ABCA8: variants seen among roughly 807,000 people sequenced by gnomAD.
ABCA8 encodes the protein ATP binding cassette subfamily A member 8.
In ABCA8, 177 loss-of-function variants were observed where a neutral mutation model predicts 192.3. That is an observed-to-expected ratio of 0.92 (90% CI 0.81 to 1.04). The LOEUF is 1.04. Ranked by LOEUF, ABCA8 falls within the 50% of genes least tolerant of loss-of-function variation. ABCA8 has a pLI of 0.00. For missense variants in ABCA8, 1,915 were observed against 1,904.8 expected (o/e 1.01, Z -0.10); for synonymous variants, 642 against 690.2 (o/e 0.93, Z 1.09).
At chr17:68,934,060 T>C (rs146999789) in intron 5 of ABCA8, among the ~76,000 whole-genome samples, 2 of 152,272 alleles carry the variant, frequency 1.3e-5, no homozygotes, top group African/African-American at 4.8e-5. Context: ...TGTATATATA[T>C]ATGCCACTAC....
chr17:68,880,794 T>TGA, intron 32 of ABCA8: 1 of 334,986 alleles, frequency 3.0e-6, no homozygotes, highest in South Asian at 3.1e-5. Context: ...AGGCTTGGGA[T>TGA]CCAGGCTGGT....
intron 1 of ABCA8, among the ~76,000 whole-genome samples, chr17:68,952,819 AC>A (rs2068606967): frequency 6.6e-6 from 1 of 152,148 alleles, no homozygotes; most frequent in East Asian, 1.9e-4. Flanking sequence ...ACTACCCTCT[AC>A]CCCCTGGTAG....
At position 68,895,022 on chromosome 17, in the gene ABCA8, T is replaced by C. The variant is rs376632104; in HGVS notation, c.2765-9A>G. The C allele has an allele frequency of 2.5e-6, 4 of 1,584,104 alleles. No individual in the cohort carries two copies. The highest frequency in any genetic ancestry group is 3.4e-6 in the Non-Finnish European group (4 of 1,168,294). On this transcript the variant is annotated splice_polypyrimidine_tract_variant and intron_variant, in intron 21 of 39. Transcript: ENST00000586539. ...GTCATCAATGCTTGCCCCTAAGGTG[T>C]AGTTAAAGATATTAGGTATCACAAA...
Position 68,875,734 on chromosome 17 carries a change from C to T in ABCA8, c.4371-1G>A. ...TCTAAAGGTGGCCCGGATGGCCTGC[C>T]TATAATGTCAAGAGATTATTTGCAA... On this transcript the variant is annotated splice_acceptor_variant, in intron 35 of 39. Coordinates refer to ENST00000586539, the MANE Select transcript of ABCA8 (RefSeq NM_001288985.2). LOFTEE classifies it high-confidence loss of function. The T allele has an allele frequency of 6.2e-7, 1 of 1,610,752 alleles. No homozygotes were observed. The highest frequency in any genetic ancestry group is 8.5e-7 in the Non-Finnish European group (1 of 1,178,946).
At chr17:68,925,967 G>GT (rs1376442794) in intron 10 of ABCA8, among the ~76,000 whole-genome samples, 3 of 152,102 alleles carry the variant, frequency 2.0e-5, no homozygotes, top group Non-Finnish European at 2.9e-5. Flanking sequence ...AAATTTTCTA[G>GT]TTATAATAAT....
intron 37 of ABCA8, among the ~76,000 whole-genome samples, chr17:68,874,354 TCTGG>T (rs2066147179): frequency 6.6e-6 from 1 of 152,230 alleles, no homozygotes; most frequent in Admixed American, 6.5e-5. Flanking sequence ...TAATTGAGCC[TCTGG>T]TTAGAAGAGC....
chr17:68,951,226 C>A (rs1567893310), intron 1 of ABCA8, among the ~76,000 whole-genome samples: 1 of 152,186 alleles, frequency 6.6e-6, no homozygotes, highest in Non-Finnish European at 1.5e-5. Flanking sequence ...ATAGACCATA[C>A]ATATGTTACT....
At chr17:68,925,000 C>T (rs2067658345) in intron 10 of ABCA8, 131 bp from the exon 11 acceptor site, 4 of 793,838 alleles carry the variant, frequency 5.0e-6, no homozygotes, top group South Asian at 2.1e-5. Context: ...AGGTAATGCA[C>T]GTTTTGACAC....
rs753629086 is a variant in ABCA8 at position 68,940,925 on chromosome 17, T to C, written c.134A>G (p.Tyr45Cys). Residue 45 changes from tyrosine to cysteine, a missense_variant, in exon 4 of 40, where the codon TAT becomes TGT. Tyr to Cys is a radical substitution (Grantham distance 194). Coordinates refer to ENST00000586539, the MANE Select transcript of ABCA8 (RefSeq NM_001288985.2). ...LNSLLLLLCL[Y>C]IYPHSHQVND... is the part of the protein sequence containing the mutation. Reference sequence around the variant, plus strand: ...TACTTGATGACTATGAGGATATATATACAAACAAAGTAGTAGGAGCAATGA... The same window carrying C: ...TACTTGATGACTATGAGGATATATACACAAACAAAGTAGTAGGAGCAATGA... 4 of 1,611,694 alleles carry C rather than the reference T, an allele frequency of 2.5e-6. No individual in the cohort carries two copies. The highest frequency in any genetic ancestry group is 3.4e-6 in the Non-Finnish European group (4 of 1,178,148).
rs545834756 is a variant in ABCA8 at position 68,940,853 on chromosome 17, G to A, written c.206C>T (p.Thr69Ile). Reference sequence around the variant, plus strand: ...AACAGAAAATCTGGATTCATTAAATGTATCTACCCGTCCCAGGTCCATGGT... The same window carrying A: ...AACAGAAAATCTGGATTCATTAAATATATCTACCCGTCCCAGGTCCATGGT... ...LLTMDLGRVDTFNESRFSVVY... is the reference protein window; with the variant it reads ...LLTMDLGRVDIFNESRFSVVY... The change falls in exon 4 of 40, where the codon ACA becomes ATA. Residue 69 changes from threonine (T) to isoleucine (I), a missense_variant. Transcript: ENST00000586539. 1.2e-6 allele frequency: 2 copies of A among 1,613,348 alleles called. No homozygotes were observed. Among genetic ancestry groups the A allele is most frequent in the African/African-American group, 2.7e-5 (2 of 74,996 alleles).
At position 68,868,050 on chromosome 17, in the gene ABCA8, C is replaced by A. The variant is rs79479683; in HGVS notation, c.*35G>T. 977 of 1,474,274 alleles carry A rather than the reference C, an allele frequency of 6.6e-4. 9 individuals are homozygous for A. The African/African-American group carries it at 0.012, about 18-fold the overall frequency. The allele number at this position is 1,474,274 out of a possible 1,614,324, so 91.3% of individuals were successfully genotyped here. ...TAAAAATAAATGTATTTAAAAAAAA[C>A]CACGGGTTTAAACAGGAACACAGAA... On this transcript the variant is annotated 3_prime_UTR_variant, in exon 40 of 40. Coordinates refer to ENST00000586539, the MANE Select transcript of ABCA8 (RefSeq NM_001288985.2).
intron 32 of ABCA8, chr17:68,878,489 G>C (rs2066261675): frequency 3.3e-5 from 5 of 152,166 alleles, no homozygotes; most frequent in African/African-American, 9.7e-5. Flanking sequence ...TCCAGCCATA[G>C]AGCAGCAAGC....
chr17:68,889,682 C>T (rs887871627), intron 24 of ABCA8, among the ~76,000 whole-genome samples: 1 of 152,154 alleles, frequency 6.6e-6, no homozygotes, highest in African/African-American at 2.4e-5. Flanking sequence ...TGATCCTTTG[C>T]AGTCAATAGC....
chr17:68,913,100 T>C (rs1489935888), intron 17 of ABCA8, among the ~76,000 whole-genome samples: 1 of 152,124 alleles, frequency 6.6e-6, no homozygotes, highest in Non-Finnish European at 1.5e-5. Context: ...AGAGGAACTT[T>C]GGAAACTATA....
At chr17:68,943,177 T>C (rs375672177) in intron 2 of ABCA8, among the ~76,000 whole-genome samples, 1 of 152,160 alleles carries the variant, frequency 6.6e-6, no homozygotes, top group East Asian at 1.9e-4. Context: ...TAATATAGGA[T>C]AATCACCATA....
At position 68,885,265 on chromosome 17, in the gene ABCA8, A is replaced by G. The variant is rs967278908; in HGVS notation, c.3480T>C (p.Asp1160=). 15 of 1,613,296 alleles carry G rather than the reference A, an allele frequency of 9.3e-6. No individual in the cohort carries two copies. In the Admixed American group the frequency reaches 2.0e-4, roughly 22 times the overall value. ...TTAAAAAAGTGAAGATAAATGGAAT[A>G]TCACTTTCGAAGATACTGAACGCAA... is the stretch of plus-strand genomic sequence containing the variant. ...AGFAFSIFES[D]IPFIFTFLIP... The change falls in exon 27 of 40, where the codon GAT becomes GAC. Residue 1160 remains aspartate, a synonymous_variant. Coordinates refer to ENST00000586539, the MANE Select transcript of ABCA8 (RefSeq NM_001288985.2).
At chr17:68,890,891 T>C (rs2066608723) in intron 24 of ABCA8, among the ~76,000 whole-genome samples, 2 of 152,222 alleles carry the variant, frequency 1.3e-5, no homozygotes, top group South Asian at 4.1e-4. Context: ...GTTATCTTTT[T>C]TAAAATAGCA....
intron 27 of ABCA8, 149 bp from the exon 28 acceptor site, chr17:68,884,545 G>A: frequency 6.8e-6 from 9 of 1,332,792 alleles, no homozygotes; most frequent in Non-Finnish European, 7.7e-6. Flanking sequence ...GCAAGGGGCT[G>A]TCTTCCTTCC....
At chr17:68,950,922 G>A (rs1264423016) in intron 1 of ABCA8, among the ~76,000 whole-genome samples, 1 of 152,056 alleles carries the variant, frequency 6.6e-6, no homozygotes, top group Non-Finnish European at 1.5e-5. Flanking sequence ...GTGTGATGTC[G>A]CACCAGTTCT....
Sources: allele counts gnomAD v4.1 joint callset (sites outside exome capture counted in the v4.1 genomes callset), GRCh38; gene constraint gnomAD v4.1.1; transcripts MANE v1.5; gene names NCBI Gene and HGNC (gene_info 2026-07-23, HGNC 2026-07-21).